Variants in BMP6 observed in about 807,000 individuals in gnomAD.
BMP6 encodes bone morphogenetic protein 6.
A neutral mutation model predicts 54.1 loss-of-function variants in BMP6; 17 were observed. That is an observed-to-expected ratio of 0.31 (90% CI 0.22 to 0.47). BMP6 has a LOEUF of 0.47. Ranked by LOEUF, BMP6 falls within the 20% of genes least tolerant of loss-of-function variation. The pLI is 1.00. For missense variants in BMP6, 720 were observed against 690.4 expected (o/e 1.04, Z -0.48); for synonymous variants, 328 against 291.2 (o/e 1.13, Z -1.28).
chr6:7,843,268 T>TAA (rs58011920), intron 1 of BMP6, among the ~76,000 whole-genome samples: 3 of 140,674 alleles, frequency 2.1e-5, no homozygotes, highest in Non-Finnish European at 4.7e-5. Context: ...ACCCTCAAAA[T>TAA]AAAAAAAAAA....
At chr6:7,809,683 G>A (rs549462088) in intron 1 of BMP6, among the ~76,000 whole-genome samples, 3 of 152,280 alleles carry the variant, frequency 2.0e-5, no homozygotes, top group East Asian at 1.9e-4. Context: ...TAAAATAGGC[G>A]AACATGGTTA....
chr6:7,844,134 G>A (rs1759020624), intron 1 of BMP6, among the ~76,000 whole-genome samples: 1 of 152,024 alleles, frequency 6.6e-6, no homozygotes, highest in African/African-American at 2.4e-5. Flanking sequence ...GAGTGAGGTC[G>A]TGCAGTGATT....
chr6:7,752,256 C>T (rs1180284465), intron 1 of BMP6, among the ~76,000 whole-genome samples: 1 of 152,176 alleles, frequency 6.6e-6, no homozygotes, highest in South Asian at 2.1e-4. Context: ...TCCATTGAAA[C>T]GTTATTTATA....
intron 1 of BMP6, among the ~76,000 whole-genome samples, chr6:7,735,659 C>T (rs958403151): frequency 2.0e-5 from 3 of 151,968 alleles, no homozygotes; most frequent in Non-Finnish European, 4.4e-5. Context: ...TCCCAGGTAC[C>T]CCCTGCCCCA....
chr6:7,790,625 C>T (rs543988702), intron 1 of BMP6, among the ~76,000 whole-genome samples: 49 of 151,310 alleles, frequency 3.2e-4, no homozygotes, highest in African/African-American at 1.2e-3. Flanking sequence ...CTGCCTCCTG[C>T]CCTTCTACTG....
chr6:7,874,788 C>G (rs999277815), intron 4 of BMP6, among the ~76,000 whole-genome samples: 2 of 146,558 alleles, frequency 1.4e-5, no homozygotes, highest in African/African-American at 5.2e-5. Flanking sequence ...AAAATCCAGA[C>G]AAGCTTGTCA....
chr6:7,799,070 G>A (rs925467886), intron 1 of BMP6, among the ~76,000 whole-genome samples: 1 of 152,146 alleles, frequency 6.6e-6, no homozygotes, highest in Admixed American at 6.6e-5. Flanking sequence ...AAGCTTACTC[G>A]AAATTTCCAA....
At chr6:7,790,578 G>A (rs1758083385) in intron 1 of BMP6, among the ~76,000 whole-genome samples, 1 of 150,006 alleles carries the variant, frequency 6.7e-6, no homozygotes, top group Non-Finnish European at 1.5e-5. Context: ...TCTTGTTGGG[G>A]TGTGTGTATA....
At chr6:7,741,806 C>T (rs1249285733) in intron 1 of BMP6, among the ~76,000 whole-genome samples, 4 of 152,250 alleles carry the variant, frequency 2.6e-5, no homozygotes, top group African/African-American at 9.6e-5. Context: ...AGTTGGAGGT[C>T]TGAAGTTCCA....
intron 1 of BMP6, among the ~76,000 whole-genome samples, chr6:7,765,339 CAATGTAAT>C (rs904910846): frequency 6.6e-6 from 1 of 152,126 alleles, no homozygotes; most frequent in Non-Finnish European, 1.5e-5. Flanking sequence ...GTAGGAGGGA[CAATGTAAT>C]AATGTAATAA....
intron 1 of BMP6, among the ~76,000 whole-genome samples, chr6:7,811,061 C>T (rs916568216): frequency 6.6e-6 from 1 of 152,234 alleles, no homozygotes; most frequent in Non-Finnish European, 1.5e-5. Flanking sequence ...GATAGGTGCC[C>T]CATTACCTCA....
intron 1 of BMP6, among the ~76,000 whole-genome samples, chr6:7,784,556 T>A (rs1231019592): frequency 1.3e-5 from 2 of 152,176 alleles, no homozygotes; most frequent in Non-Finnish European, 2.9e-5. Context: ...TTTTTAAAAA[T>A]TCATGTCTCA....
rs971249794 is a variant in BMP6, at chr6:7,806,606, C to CA, written c.665-38525dup. 3.5e-4 allele frequency among the ~76,000 whole-genome samples: 52 copies of CA among 148,198 alleles called. No homozygotes were observed. In the South Asian group the frequency reaches 3.6e-3, roughly 10 times the overall value. ...CAACCAGAAAAAACAAAAACAAAAA[C>CA]AAAAAAAAACAAGTGATTTAAACAA... On this transcript the variant is annotated intron_variant, in intron 1 of 6. Transcript: ENST00000283147.
intron 1 of BMP6, among the ~76,000 whole-genome samples, chr6:7,781,814 T>C (rs557040445): frequency 2.0e-5 from 3 of 151,450 alleles, no homozygotes; most frequent in African/African-American, 4.8e-5. Flanking sequence ...AGAGGCCCCA[T>C]GTCAGTGGGG....
chr6:7,837,202 CT>C (rs1758889177), intron 1 of BMP6, among the ~76,000 whole-genome samples: 1 of 152,076 alleles, frequency 6.6e-6, no homozygotes, highest in Admixed American at 6.6e-5. Context: ...TGTTGTTCCC[CT>C]TTTTATTTTA....
chr6:7,770,181 C>G (rs758172227), intron 1 of BMP6, among the ~76,000 whole-genome samples: 29 of 152,104 alleles, frequency 1.9e-4, no homozygotes, highest in African/African-American at 7.0e-4. Flanking sequence ...TGCAGTGGAG[C>G]ATTTTAAATG....
intron 1 of BMP6, among the ~76,000 whole-genome samples, chr6:7,822,963 C>T (rs1758639319): frequency 6.6e-6 from 1 of 150,834 alleles, no homozygotes; most frequent in East Asian, 2.0e-4. Context: ...AAATAGGGCT[C>T]TTTTATTTCT....
chr6:7,826,704 G>A (rs544742889), intron 1 of BMP6, among the ~76,000 whole-genome samples: 40 of 152,324 alleles, frequency 2.6e-4, no homozygotes, highest in Non-Finnish European at 2.9e-4. Flanking sequence ...GACAGGAAGA[G>A]CAAAAGGCAG....
chr6:7,854,122 T>C (rs990280609), intron 2 of BMP6, among the ~76,000 whole-genome samples: 1 of 152,208 alleles, frequency 6.6e-6, no homozygotes, highest in African/African-American at 2.4e-5. Flanking sequence ...GAACTGCTTA[T>C]CTACTTGGTA....
Sources: gnomAD v4.1 joint callset for allele counts (sites outside exome capture counted in the v4.1 genomes callset) on GRCh38, gnomAD v4.1.1 for gene constraint, MANE v1.5 for transcripts, NCBI Gene and HGNC (gene_info 2026-07-23, HGNC 2026-07-21) for gene names.